The following CDH8 variants were observed in gnomAD, a reference collection of about 807,000 sequenced individuals.
CDH8 encodes cadherin-8.
Under a neutral mutation model 68.1 loss-of-function variants are expected in CDH8, and 17 were observed. The observed-to-expected ratio is 0.25, with a 90% CI of 0.17 to 0.37. The LOEUF (loss-of-function observed/expected upper bound fraction) is 0.37, where lower values mean the gene tolerates loss of function less well. Ranked by LOEUF, CDH8 falls within the 10% of genes least tolerant of loss-of-function variation. CDH8 has a pLI of 1.00. For missense variants in CDH8, 763 were observed against 999.3 expected, an observed-to-expected ratio of 0.76 and a Z score of 3.19; for synonymous variants, 372 against 365.1, an observed-to-expected ratio of 1.02 and a Z score of -0.21.
intron 1 of CDH8, 108 bp from the exon 2 acceptor site, chr16:62,021,710 A>C (rs772043961): frequency 8.4e-6 from 4 of 474,450 alleles, no homozygotes; most frequent in African/African-American, 2.0e-5. Flanking sequence ...GCACTTCTCA[A>C]ACTCTTGAGT....
chr16:61,798,662 G>C (rs545793436), intron 7 of CDH8, among the ~76,000 whole-genome samples: 1 of 152,268 alleles, frequency 6.6e-6, no homozygotes, highest in East Asian at 1.9e-4. Context: ...AAATGAGGCT[G>C]TTATCACTAC....
chr16:61,861,042 A>C (rs1471722054), intron 3 of CDH8, among the ~76,000 whole-genome samples: 5 of 152,160 alleles, frequency 3.3e-5, no homozygotes, highest in Admixed American at 3.3e-4. Context: ...AAACAAAATA[A>C]TATATGTAGG....
At chr16:61,960,793 T>G (rs2150571326) in intron 2 of CDH8, among the ~76,000 whole-genome samples, 1 of 152,254 alleles carries the variant, frequency 6.6e-6, no homozygotes, top group South Asian at 2.1e-4. Context: ...AAGAGTATAC[T>G]TCATCCTTTT....
chr16:62,013,055 C>A (rs1277403426), intron 2 of CDH8, among the ~76,000 whole-genome samples: 1 of 30,712 alleles, frequency 3.3e-5, no homozygotes, highest in Admixed American at 3.6e-4. Flanking sequence ...GAGATCGAGA[C>A]CATCCTGGCT....
intron 8 of CDH8, among the ~76,000 whole-genome samples, chr16:61,741,004 A>G (rs1959859573): frequency 6.6e-6 from 1 of 152,216 alleles, no homozygotes. Flanking sequence ...CCCTCTGACC[A>G]GCACTGTACT....
intron 10 of CDH8, among the ~76,000 whole-genome samples, chr16:61,689,068 A>T (rs1030303661): frequency 1.3e-5 from 2 of 152,054 alleles, no homozygotes; most frequent in Non-Finnish European, 2.9e-5. Flanking sequence ...GATTAGAAAC[A>T]TAAGGAAGAG....
intron 2 of CDH8, among the ~76,000 whole-genome samples, chr16:61,906,293 C>A (rs1358589232): frequency 2.0e-5 from 3 of 152,166 alleles, no homozygotes; most frequent in Non-Finnish European, 2.9e-5. Context: ...AACATAGACA[C>A]CATTCTCAAA....
At chr16:61,950,447 T>C (rs1166857603) in intron 2 of CDH8, among the ~76,000 whole-genome samples, 1 of 152,192 alleles carries the variant, frequency 6.6e-6, no homozygotes, top group African/African-American at 2.4e-5. Flanking sequence ...AAAAATTAAA[T>C]GATTTGAGTG....
At chr16:61,844,070 T>C (rs1962745686) in intron 4 of CDH8, among the ~76,000 whole-genome samples, 1 of 151,840 alleles carries the variant, frequency 6.6e-6, no homozygotes, top group African/African-American at 2.4e-5. Context: ...ATGTGGCACA[T>C]ATACACCATG....
intron 2 of CDH8, among the ~76,000 whole-genome samples, chr16:61,990,030 G>A (rs1012173731): frequency 5.3e-5 from 8 of 152,118 alleles, no homozygotes; most frequent in African/African-American, 1.9e-4. Flanking sequence ...CACTTACTGA[G>A]TCTTTGACTA....
intron 8 of CDH8, among the ~76,000 whole-genome samples, chr16:61,780,480 T>C (rs1020873398): frequency 2.0e-5 from 3 of 152,262 alleles, no homozygotes; most frequent in African/African-American, 7.2e-5. Flanking sequence ...TGGACTTTGC[T>C]AAAATCCACT....
chr16:62,035,955 C>T (rs1161621445), intron 1 of CDH8, 125 bp downstream of exon 1: 2 of 152,498 alleles, frequency 1.3e-5, no homozygotes, highest in Non-Finnish European at 1.5e-5. Flanking sequence ...GAACCCTCAT[C>T]CACCATCTGA....
intron 8 of CDH8, among the ~76,000 whole-genome samples, chr16:61,755,979 C>T (rs1960305377): frequency 6.6e-6 from 1 of 152,022 alleles, no homozygotes; most frequent in African/African-American, 2.4e-5. Context: ...TACAACCACG[C>T]CTGGCTAATG....
At chr16:62,028,835 C>T (rs1440937202) in intron 1 of CDH8, among the ~76,000 whole-genome samples, 2 of 152,136 alleles carry the variant, frequency 1.3e-5, no homozygotes, top group Non-Finnish European at 2.9e-5. Flanking sequence ...ATCTAAATCC[C>T]TCCTTCTTTG....
At chr16:61,771,181 T>C (rs1258304055) in intron 8 of CDH8, among the ~76,000 whole-genome samples, 2 of 151,952 alleles carry the variant, frequency 1.3e-5, no homozygotes, top group Non-Finnish European at 2.9e-5. Context: ...AGGTATCAGT[T>C]ACCCTGAGAA....
chr16:61,892,113 G>A (rs1178336754), intron 3 of CDH8, among the ~76,000 whole-genome samples: 1 of 152,120 alleles, frequency 6.6e-6, no homozygotes, highest in Non-Finnish European at 1.5e-5. Context: ...TTATTTTGGA[G>A]GATAAAATAT....
chr16:62,001,961 G>A (rs1567563655), intron 2 of CDH8, among the ~76,000 whole-genome samples: 1 of 152,208 alleles, frequency 6.6e-6, no homozygotes, highest in African/African-American at 2.4e-5. Flanking sequence ...TTTTAAAAAT[G>A]AGGAAGGTTG....
intron 3 of CDH8, among the ~76,000 whole-genome samples, chr16:61,859,518 G>T (rs1158664195): frequency 6.6e-6 from 1 of 152,172 alleles, no homozygotes; most frequent in Non-Finnish European, 1.5e-5. Context: ...AACCCATATT[G>T]TGGGCCACTC....
At chr16:61,728,200 T>C (rs1959430136) in intron 8 of CDH8, among the ~76,000 whole-genome samples, 1 of 151,000 alleles carries the variant, frequency 6.6e-6, no homozygotes, top group African/African-American at 2.4e-5. Flanking sequence ...TCATTTGATA[T>C]ATCAAACTCC....
Sources: allele counts gnomAD v4.1 joint callset (sites outside exome capture counted in the v4.1 genomes callset), GRCh38; gene constraint gnomAD v4.1.1; transcripts MANE v1.5; gene names NCBI Gene and HGNC (gene_info 2026-07-23, HGNC 2026-07-21).